Variants in CARD19 observed in about 807,000 individuals in gnomAD.
CARD19 encodes the protein caspase recruitment domain family member 19.
CARD19 carries 25 observed loss-of-function variants against 24.1 expected under a neutral mutation model. The observed-to-expected ratio is 1.04, with a 90% CI of 0.76 to 1.45. The LOEUF (loss-of-function observed/expected upper bound fraction) is 1.45. Ranked by LOEUF, CARD19 falls within the 40% of genes most tolerant of loss-of-function variation. The probability of loss-of-function intolerance (pLI) is 0.00; values close to 1 mark genes in which losing one functional copy is unlikely to be tolerated. For missense variants in CARD19, 241 were observed against 247.4 expected (o/e 0.97, Z 0.17); for synonymous variants, 103 against 104.9 (o/e 0.98, Z 0.11).
At chr9:93,106,579 A>AC (rs1554753878) in intron 1 of CARD19, among the ~76,000 whole-genome samples, 2 of 148,180 alleles carry the variant, frequency 1.3e-5, no homozygotes, top group South Asian at 2.1e-4. Flanking sequence ...AAAAAAAACA[A>AC]AAAAAAAAAA....
intron 2 of CARD19, among the ~76,000 whole-genome samples, chr9:93,109,631 A>G (rs1827386991): frequency 6.6e-6 from 1 of 151,768 alleles, no homozygotes; most frequent in Non-Finnish European, 1.5e-5. Context: ...TGCCCAGTCA[A>G]TTTTTTGTAC....
intron 1 of CARD19, among the ~76,000 whole-genome samples, chr9:93,097,015 T>C (rs894741032): frequency 1.3e-5 from 2 of 152,120 alleles, no homozygotes; most frequent in African/African-American, 4.8e-5. Context: ...CCCCAGGGCC[T>C]CTCTGGTCTG....
chr9:93,101,276 G>A (rs112580537), intron 1 of CARD19, among the ~76,000 whole-genome samples: 23,750 of 151,808 alleles, frequency 0.16, 3,962 homozygotes, highest in African/African-American at 0.41. Flanking sequence ...ACGGGGCTTC[G>A]CCATGTTGGC....
intron 1 of CARD19, among the ~76,000 whole-genome samples, chr9:93,098,578 T>C (rs1433482730): frequency 1.3e-5 from 2 of 152,224 alleles, no homozygotes; most frequent in African/African-American, 4.8e-5. Flanking sequence ...GTAAAAACAG[T>C]TCAGGGACTT....
Position 93,111,550 on chromosome 9 carries a change from C to G in CARD19, c.305-329C>G. 3 of 1,226,236 alleles carry G rather than the reference C, an allele frequency of 2.4e-6. No individual in the cohort carries two copies. The African/African-American group carries it at 4.6e-5, about 19-fold the overall frequency. The allele number at this position is 1,226,236 out of a possible 1,614,324, so 76.0% of individuals were successfully genotyped here. On this transcript the variant is annotated intron_variant, in intron 3 of 5. Coordinates refer to ENST00000375464, the MANE Select transcript of CARD19 (RefSeq NM_032310.5). ...GGCGGGGAGAGCTCGAGGGGAGGCC[C>G]AGCCCTGCAGGTGGGACTGGCTCTC...
chr9:93,111,789 G>A lies in CARD19; in HGVS notation c.305-90G>A, dbSNP rs55875720. The A allele has an allele frequency of 2.7e-3, 4,175 of 1,553,214 alleles. 17 individuals carry two copies. The highest frequency in any genetic ancestry group is 4.3e-3 in the Admixed American group (238 of 54,738). On this transcript the variant is annotated intron_variant, in intron 3 of 5. Coordinates refer to ENST00000375464, the MANE Select transcript of CARD19 (RefSeq NM_032310.5). Reference sequence around the variant, plus strand: ...TGGTTCGGCCTGGCGGCCCCAGGAGGCAGCAGCAACCTTGGGCTTCCTGCG... The same window carrying A: ...TGGTTCGGCCTGGCGGCCCCAGGAGACAGCAGCAACCTTGGGCTTCCTGCG...
At chr9:93,098,209 T>G (rs1042227920) in intron 1 of CARD19, among the ~76,000 whole-genome samples, 3 of 152,248 alleles carry the variant, frequency 2.0e-5, no homozygotes, top group African/African-American at 7.2e-5. Context: ...AGGAGGTTGA[T>G]GCCCAAGTGT....
In CARD19 at chr9:93,113,018, C is replaced by T. The variant is rs151113776; in HGVS notation, c.463C>T (p.Arg155Cys). ...CCCCAAGGGCCTGCCAGGGACCCGG[C>T]GCGTCCTCGGTTTCTCGCCTGTCAT... ...PDPKGLPGTR[R>C]VLGFSPVIID... The change falls in exon 6 of 6, where the codon CGC (arginine) becomes TGC (cysteine). Residue 155 changes from arginine to cysteine, a missense_variant. Physicochemically the swap from Arg to Cys is radical, Grantham distance 180 (BLOSUM62 -3). Transcript: ENST00000375464. 50 of 1,609,088 alleles carry T rather than the reference C, an allele frequency of 3.1e-5. No individual in the cohort carries two copies. The highest frequency in any genetic ancestry group is 4.4e-5 in the South Asian group (4 of 90,032).
intron 1 of CARD19, among the ~76,000 whole-genome samples, chr9:93,099,461 G>A (rs1030204257): frequency 1.3e-5 from 2 of 152,224 alleles, no homozygotes; most frequent in Non-Finnish European, 2.9e-5. Context: ...GTCTTGGGCA[G>A]GTACCTTATC....
At chr9:93,100,312 T>G (rs930976937) in intron 1 of CARD19, among the ~76,000 whole-genome samples, 1 of 152,196 alleles carries the variant, frequency 6.6e-6, no homozygotes, top group African/African-American at 2.4e-5. Flanking sequence ...TTTTTGTTTT[T>G]GTTTTTGGTT....
intron 1 of CARD19, among the ~76,000 whole-genome samples, chr9:93,103,931 T>G (rs532414819): frequency 2.4e-4 from 37 of 152,218 alleles, no homozygotes; most frequent in Admixed American, 5.9e-4. Context: ...CTCAGTACTG[T>G]TACTTTGAGG....
intron 1 of CARD19, among the ~76,000 whole-genome samples, chr9:93,101,187 C>T (rs976848149): frequency 6.6e-6 from 1 of 151,998 alleles, no homozygotes; most frequent in Non-Finnish European, 1.5e-5. Context: ...AAGTGATTCT[C>T]GTGCCTCAGC....
intron 1 of CARD19, among the ~76,000 whole-genome samples, chr9:93,107,116 C>T (rs188698928): frequency 1.3e-5 from 2 of 152,312 alleles, no homozygotes; most frequent in East Asian, 3.9e-4. Context: ...GATCCCAGCA[C>T]AGGCCACCCT....
At chr9:93,099,266 T>C (rs900548002) in intron 1 of CARD19, among the ~76,000 whole-genome samples, 1 of 152,148 alleles carries the variant, frequency 6.6e-6, no homozygotes, top group Non-Finnish European at 1.5e-5. Flanking sequence ...CTCAGCCAAG[T>C]GGGCAATGCT....
intron 2 of CARD19, 69 bp from the exon 3 acceptor site, chr9:93,110,499 G>T: frequency 6.6e-7 from 1 of 1,519,782 alleles, no homozygotes; most frequent in Non-Finnish European, 8.8e-7. Context: ...GCCTGACCTT[G>T]GTGCCCTGCC....
At chr9:93,111,133 A>T in intron 3 of CARD19, 1 of 1,227,662 alleles carries the variant, frequency 8.1e-7, no homozygotes, top group Admixed American at 3.0e-5. Context: ...ACCCAACCCC[A>T]TGACGGACCC....
At chr9:93,107,606 A>G (rs1045735439) in intron 1 of CARD19, 68 bp from the exon 2 acceptor site, 137 of 1,573,426 alleles carry the variant, frequency 8.7e-5, no homozygotes, top group Non-Finnish European at 1.2e-4. Flanking sequence ...GGTCAGTGTC[A>G]GTACGAGGCT....
chr9:93,107,271 C>A (rs1827298308), intron 1 of CARD19, among the ~76,000 whole-genome samples: 1 of 152,234 alleles, frequency 6.6e-6, no homozygotes, highest in South Asian at 2.1e-4. Context: ...GCCATCACAA[C>A]TGGTCTGAGC....
At chr9:93,102,258 C>T (rs1827112413) in intron 1 of CARD19, among the ~76,000 whole-genome samples, 1 of 152,116 alleles carries the variant, frequency 6.6e-6, no homozygotes, top group African/African-American at 2.4e-5. Flanking sequence ...AGGTGTGAGC[C>T]ACTGCACCTG....
Sources: allele counts gnomAD v4.1 joint callset (sites outside exome capture counted in the v4.1 genomes callset), GRCh38; gene constraint gnomAD v4.1.1; transcripts MANE v1.5; gene names NCBI Gene and HGNC (gene_info 2026-07-23, HGNC 2026-07-21).